Variants in GAK observed in about 807,000 individuals in gnomAD.
The protein encoded by GAK is cyclin-G-associated kinase.
GAK carries 79 observed loss-of-function variants against 143.9 expected under a neutral mutation model. That is an observed-to-expected ratio of 0.55 (90% CI 0.46 to 0.66). The LOEUF (loss-of-function observed/expected upper bound fraction) is 0.66, where lower values mean the gene tolerates loss of function less well. Among genes scored for constraint, GAK ranks in the 30% least tolerant of loss-of-function variants. The probability of loss-of-function intolerance (pLI) is 0.00; values close to 1 mark genes in which losing one functional copy is unlikely to be tolerated. For missense variants in GAK, 1,693 were observed against 1,779.7 expected (o/e 0.95, Z 0.88); for synonymous variants, 881 against 765.5 (o/e 1.15, Z -2.49).
At chr4:849,830 C>CCGGGGGGGGGGG in intron 27 of GAK, 56 bp from the exon 28 acceptor site, 42 of 1,172,196 alleles carry the variant, frequency 3.6e-5, no homozygotes, top group Non-Finnish European at 4.8e-5. Context: ...GCGGGCGGGG[C>CCGGGGGGGGGGG]AGGACCCCCC....
chr4:868,008 CG>C (rs2152749951), intron 20 of GAK, among the ~76,000 whole-genome samples: 1 of 152,344 alleles, frequency 6.6e-6, no homozygotes, highest in South Asian at 2.1e-4. Context: ...TGGGAACAGG[CG>C]GCAGAAGGGA....
In GAK at chr4:859,670, G is replaced by C. The variant is rs201241614; in HGVS notation, c.3219C>G (p.Ser1073Arg). The C allele has an allele frequency of 1.0e-5, 16 of 1,603,430 alleles. No homozygotes were observed. In the East Asian group the frequency reaches 3.6e-4, roughly 36 times the overall value. The change falls in exon 24 of 28, where the codon AGC becomes AGG. Residue 1073 changes from serine to arginine, a missense_variant. Physicochemically the swap from Ser to Arg is moderately radical, Grantham distance 110. Around this residue, in one of 2 missense-constraint regions of GAK, gnomAD observed 822 missense variants for 788.7 expected, o/e 1.04. Coordinates refer to ENST00000314167, the MANE Select transcript of GAK (RefSeq NM_005255.4). ...GGTCCGGGTTCTGAGACTTGGTCCA[G>C]CTGGCCTGAGAGCCACAAGGGGCCG... is the stretch of plus-strand genomic sequence containing the variant. ...GQPAPCGSQA[S>R]WTKSQNPDPF...
Position 932,218 on chromosome 4 carries a change from C to A in GAK, c.-31G>T, listed in dbSNP as rs1199023135. On this transcript the variant is annotated 5_prime_UTR_variant, in exon 1 of 28. Coordinates refer to ENST00000314167, the MANE Select transcript of GAK (RefSeq NM_005255.4). This position sits in a 1 kb window ranked among gnomAD's most constrained non-coding sequence, Gnocchi z 4.0. ...TGGCTGCGCCGCACCCCGCGGCAGC[C>A]GGAGTGGTCGGGCTCGGGCTCCCGC... 6.6e-7 allele frequency: 1 copy of A among 1,508,728 alleles called. No homozygotes were observed. Among genetic ancestry groups the A allele is most frequent in the South Asian group, 1.3e-5 (1 of 79,824 alleles). 93.5% of individuals were successfully genotyped at this position (1,508,728 alleles called of 1,614,324 possible).
chr4:877,024 G>A, intron 17 of GAK, 66 bp downstream of exon 17: 2 of 1,119,416 alleles, frequency 1.8e-6, no homozygotes, highest in East Asian at 2.4e-5. Context: ...AGCGCACTGT[G>A]GCCCCCAGCC....
At chr4:875,428 G>A (rs936978559) in intron 18 of GAK, among the ~76,000 whole-genome samples, 6 of 152,234 alleles carry the variant, frequency 3.9e-5, no homozygotes, top group South Asian at 2.1e-4. Context: ...AGCAGCAGGC[G>A]CCAGCTCTTC....
chr4:909,553 G>T (rs971281472), intron 4 of GAK, among the ~76,000 whole-genome samples: 1 of 152,102 alleles, frequency 6.6e-6, no homozygotes, highest in Non-Finnish European at 1.5e-5. Flanking sequence ...AGACAGGGAC[G>T]GGAAGGGCCC....
intron 23 of GAK, among the ~76,000 whole-genome samples, chr4:861,397 C>G (rs1750250136): frequency 6.6e-6 from 1 of 152,132 alleles, no homozygotes; most frequent in Non-Finnish European, 1.5e-5. Flanking sequence ...CAAGGTCGGC[C>G]TGGACAACAC....
At chr4:873,633 C>T (rs914123357) in intron 18 of GAK, among the ~76,000 whole-genome samples, 1 of 152,192 alleles carries the variant, frequency 6.6e-6, no homozygotes, top group Non-Finnish European at 1.5e-5. Context: ...ATGTCACTGC[C>T]CTCGCCCCTG....
rs1724752850 is a variant in GAK at position 926,418 on chromosome 4, C to T, written c.145+5625G>A. On this transcript the variant is annotated intron_variant, in intron 1 of 27. Coordinates refer to ENST00000314167, the MANE Select transcript of GAK (RefSeq NM_005255.4). ...GGGGCCAGGACAGGGGCCCTAAGGA[C>T]ACCTCCCTGGGGCTCCCAGCCCCCA... Among the ~76,000 whole-genome samples, 4 of 152,308 alleles carry T rather than the reference C, an allele frequency of 2.6e-5. No individual in the cohort carries two copies. The South Asian group carries it at 6.2e-4, about 24-fold the overall frequency.
At chr4:912,055 T>C (rs923074136) in intron 3 of GAK, 1 of 486,374 alleles carries the variant, frequency 2.1e-6, no homozygotes, top group Non-Finnish European at 4.0e-6. Flanking sequence ...CCAAAGTCCA[T>C]CCCGCGCGTG....
intron 19 of GAK, chr4:869,748 TAC>T (rs1335556689): frequency 3.8e-5 from 1 of 26,336 alleles, no homozygotes; most frequent in African/African-American, 1.4e-4. Context: ...ATGCACACAG[TAC>T]ACACAGATGC....
chr4:851,377 T>C, intron 25 of GAK: 1 of 459,084 alleles, frequency 2.2e-6, no homozygotes, highest in Non-Finnish European at 3.9e-6. Context: ...ATTATAGGCG[T>C]GAGCCACAAA....
rs764199949 is a variant in GAK at position 870,775 on chromosome 4, C to T, written c.2184G>A (p.Arg728=). ...AAAACAGGATTTTGGGGTTCAGCCCCCTCATGCTCGAGTTCTCCCATGGTG... is the reference window on the plus strand; with the variant it reads ...AAAACAGGATTTTGGGGTTCAGCCCTCTCATGCTCGAGTTCTCCCATGGTG... ...EAPPWENSSM[R]GLNPKILFSS... Residue 728 remains arginine (R), a synonymous_variant, in exon 19 of 28, where the codon AGG becomes AGA. Transcript: ENST00000314167. 2.5e-6 allele frequency: 4 copies of T among 1,614,046 alleles called. No homozygotes were observed. The highest frequency in any genetic ancestry group is 1.7e-6 in the Non-Finnish European group (2 of 1,180,012).
At position 893,451 on chromosome 4, in the gene GAK, T is replaced by G; in HGVS notation, c.916A>C (p.Ile306Leu). 6.3e-7 allele frequency: 1 copy of G among 1,591,492 alleles called. No individual in the cohort carries two copies. Among genetic ancestry groups the G allele is most frequent in the Non-Finnish European group, 8.5e-7 (1 of 1,169,988 alleles). ...LQVNPEERLSIAEVVHQLQEI... is the reference protein window; with the variant it reads ...LQVNPEERLSLAEVVHQLQEI... Reference sequence around the variant, plus strand: ...TGCAGCTGGTGCACCACCTCGGCGATGGACAGCCGCTCCTCCGGGTTCACC... The same window carrying G: ...TGCAGCTGGTGCACCACCTCGGCGAGGGACAGCCGCTCCTCCGGGTTCACC... The change falls in exon 9 of 28, where the codon ATC becomes CTC. Residue 306 changes from isoleucine (I) to leucine (L), a missense_variant. By Grantham distance (5) the Ile-to-Leu change is conservative (BLOSUM62 2). Around this residue, in one of 2 missense-constraint regions of GAK, gnomAD observed 871 missense variants for 991.0 expected, o/e 0.88. Transcript: ENST00000314167.
intron 18 of GAK, among the ~76,000 whole-genome samples, chr4:874,439 A>G (rs1262852226): frequency 6.6e-6 from 1 of 152,214 alleles, no homozygotes; most frequent in Non-Finnish European, 1.5e-5. Context: ...GCTTGGCTGA[A>G]GACATCCTTA....
chr4:899,757 AC>A lies in GAK; in HGVS notation c.526-1600del, dbSNP rs540362214. ...GCTCTCCAACCACAGCGCCCTGCAG[AC>A]CCCAGTCCTAGAGAGGACGCCTGCT... On this transcript the variant is annotated intron_variant, in intron 5 of 27. Coordinates refer to ENST00000314167, the MANE Select transcript of GAK (RefSeq NM_005255.4). Among the ~76,000 whole-genome samples the A allele has an allele frequency of 3.9e-5, 6 of 152,302 alleles. No homozygotes were observed. In the South Asian group the frequency reaches 1.2e-3, roughly 32 times the overall value.
Position 850,072 on chromosome 4 carries a change from C to G in GAK, c.3658-4G>C, listed in dbSNP as rs369524335. On this transcript the variant is annotated splice_polypyrimidine_tract_variant and splice_region_variant and intron_variant, in intron 26 of 27. Coordinates refer to ENST00000314167, the MANE Select transcript of GAK (RefSeq NM_005255.4). ...TGCCCTCAATCCAGTCCAGGAGCTG[C>G]GGGAGACACGGAGCTTGCCGAGCCC... is the stretch of plus-strand genomic sequence containing the variant. The G allele has an allele frequency of 6.4e-7, 1 of 1,562,752 alleles. No homozygotes were observed. Among genetic ancestry groups the G allele is most frequent in the East Asian group, 2.4e-5 (1 of 42,510 alleles).
At chr4:893,318 CTCA>C (rs1395615057) in intron 9 of GAK, 56 bp downstream of exon 9, 2 of 1,241,342 alleles carry the variant, frequency 1.6e-6, no homozygotes, top group African/African-American at 1.6e-5. Context: ...GGATCTGGGG[CTCA>C]TGTGTGCCTC....
chr4:883,718 C>T (rs1046744290), intron 12 of GAK, among the ~76,000 whole-genome samples: 1 of 152,256 alleles, frequency 6.6e-6, no homozygotes, highest in African/African-American at 2.4e-5. Flanking sequence ...CCTGCCCTGT[C>T]TCCAGGTGTC....
Sources: allele counts gnomAD v4.1 joint callset (sites outside exome capture counted in the v4.1 genomes callset), GRCh38; gene constraint gnomAD v4.1.1; regional missense constraint gnomAD v4.1.1; non-coding constraint Gnocchi (gnomAD v3.1); transcripts MANE v1.5; gene names NCBI Gene and HGNC (gene_info 2026-07-23, HGNC 2026-07-21).